USP34: variants seen among roughly 807,000 people sequenced by gnomAD.
USP34 encodes the protein ubiquitin carboxyl-terminal hydrolase 34.
In USP34, 70 loss-of-function variants were observed where a neutral mutation model predicts 460.3. That is an observed-to-expected ratio of 0.15 (90% CI 0.13 to 0.19). The LOEUF is 0.19. Among genes scored for constraint, USP34 ranks in the 10% least tolerant of loss-of-function variants. The pLI is 1.00. For missense variants in USP34, 3,985 were observed against 4,236.2 expected, an observed-to-expected ratio of 0.94 and a Z score of 1.65; for synonymous variants, 1,647 against 1,405.3, an observed-to-expected ratio of 1.17 and a Z score of -3.85.
chr2:61,325,235 C>G, intron 21 of USP34, 140 bp downstream of exon 21: 1 of 539,626 alleles, frequency 1.9e-6, no homozygotes, highest in South Asian at 2.7e-5. Flanking sequence ...TACCCTGTAA[C>G]AAACATACAT....
intron 29 of USP34, among the ~76,000 whole-genome samples, chr2:61,299,453 C>T (rs1026249851): frequency 1.3e-5 from 2 of 152,130 alleles, no homozygotes; most frequent in African/African-American, 4.8e-5. Flanking sequence ...ATACTCTTGC[C>T]TCTGAATGCC....
chr2:61,263,173 ATTTTTTT>A (rs36015748), intron 43 of USP34, among the ~76,000 whole-genome samples: 2,276 of 97,766 alleles, frequency 0.023, 29 homozygotes, highest in South Asian at 0.032. Context: ...CACACATGGA[ATTTTTTT>A]TTTTTTTTTT....
At chr2:61,465,306 C>T (rs528034925) in intron 1 of USP34, among the ~76,000 whole-genome samples, 47 of 152,266 alleles carry the variant, frequency 3.1e-4, no homozygotes, top group Admixed American at 1.5e-3. Flanking sequence ...TATGCCTCTG[C>T]ATGTTTCCAC....
rs142217236 is a variant in USP34 at position 61,326,968 on chromosome 2, G to A, written c.2931-1511C>T. Among the ~76,000 whole-genome samples, 909 of 151,466 alleles carry A rather than the reference G, an allele frequency of 6.0e-3. 5 individuals are homozygous for A. Among genetic ancestry groups the A allele is most frequent in the African/African-American group, 0.021 (883 of 41,224 alleles). On this transcript the variant is annotated intron_variant, in intron 20 of 79. Coordinates refer to ENST00000398571, the MANE Select transcript of USP34 (RefSeq NM_014709.4). ...CCAGCTGATTTTTTTTTTATTTTTA[G>A]TAGAAATATGGTGTCACCACATTAG...
chr2:61,306,125 G>C (rs1237566539), intron 27 of USP34, among the ~76,000 whole-genome samples: 1 of 152,116 alleles, frequency 6.6e-6, no homozygotes, highest in Non-Finnish European at 1.5e-5. Context: ...ATTGCTTTTG[G>C]TGTTTTGGAC....
At chr2:61,196,080 T>TA in intron 75 of USP34, among the ~76,000 whole-genome samples, 1 of 119,732 alleles carries the variant, frequency 8.4e-6, no homozygotes, top group Admixed American at 8.2e-5. Flanking sequence ...TTTTTTTTTT[T>TA]TTTTTTTTTT....
chr2:61,327,296 A>T (rs1409972424), intron 20 of USP34, among the ~76,000 whole-genome samples: 2 of 152,244 alleles, frequency 1.3e-5, no homozygotes, highest in African/African-American at 4.8e-5. Flanking sequence ...TGCCTCATTA[A>T]TGCTGCACTC....
At chr2:61,221,898 T>C (rs959496063) in intron 65 of USP34, 9 of 237,070 alleles carry the variant, frequency 3.8e-5, no homozygotes, top group South Asian at 2.1e-4. Context: ...ATACTTACGA[T>C]GTACAACGTT....
intron 16 of USP34, among the ~76,000 whole-genome samples, chr2:61,340,035 C>T (rs923758431): frequency 2.0e-5 from 3 of 152,124 alleles, no homozygotes; most frequent in South Asian, 2.1e-4. Flanking sequence ...AAAGTGAAAT[C>T]GTTTCCTTTC....
intron 10 of USP34, among the ~76,000 whole-genome samples, chr2:61,353,706 C>G (rs984323793): frequency 6.6e-6 from 1 of 152,020 alleles, no homozygotes; most frequent in Non-Finnish European, 1.5e-5. Flanking sequence ...GCTAGGATTA[C>G]AGGTGTGACT....
At chr2:61,362,767 G>A (rs1352671911) in intron 10 of USP34, among the ~76,000 whole-genome samples, 1 of 152,114 alleles carries the variant, frequency 6.6e-6, no homozygotes, top group Non-Finnish European at 1.5e-5. Context: ...GAAAGAAAAT[G>A]GTAACCATGT....
At chr2:61,328,244 G>A (rs974857063) in intron 20 of USP34, among the ~76,000 whole-genome samples, 2 of 150,458 alleles carry the variant, frequency 1.3e-5, no homozygotes, top group Non-Finnish European at 2.9e-5. Flanking sequence ...GGAGGTTACA[G>A]TGAGCTGAGA....
intron 41 of USP34, 147 bp downstream of exon 41, chr2:61,278,013 GAACTC>G (rs1247340864): frequency 2.0e-6 from 2 of 1,002,976 alleles, no homozygotes; most frequent in Admixed American, 6.2e-5. Context: ...CAGCCACATG[GAACTC>G]TGAGTCGAAT....
intron 67 of USP34, among the ~76,000 whole-genome samples, chr2:61,216,558 C>T (rs1687402773): frequency 6.6e-6 from 1 of 151,526 alleles, no homozygotes; most frequent in East Asian, 1.9e-4. Flanking sequence ...CGAGATTGCG[C>T]CACTGCACTC....
intron 49 of USP34, 105 bp downstream of exon 49, chr2:61,248,406 T>A (rs1394513547): frequency 3.4e-6 from 4 of 1,162,276 alleles, no homozygotes; most frequent in Non-Finnish European, 4.8e-6. Context: ...CTTCTAAGAT[T>A]CAATTTTTGT....
chr2:61,265,180 G>A (rs1689011582), intron 43 of USP34: 2 of 519,712 alleles, frequency 3.8e-6, no homozygotes, highest in African/African-American at 1.9e-5. Context: ...TTCCATAGCT[G>A]TGTTTTCCTT....
At chr2:61,468,083 T>C (rs557533267) in intron 1 of USP34, among the ~76,000 whole-genome samples, 2 of 152,270 alleles carry the variant, frequency 1.3e-5, no homozygotes, top group African/African-American at 4.8e-5. Flanking sequence ...CAACCACTCA[T>C]GTTCATTATC....
At chr2:61,230,855 AAAAC>A (rs1162535642) in intron 58 of USP34, among the ~76,000 whole-genome samples, 4 of 151,138 alleles carry the variant, frequency 2.6e-5, no homozygotes, top group Admixed American at 2.0e-4. Context: ...AAAAAAAAAA[AAAAC>A]AAAACACAAA....
rs533817270 is a variant in USP34 at position 61,336,523 on chromosome 2, C to A, written c.2745-2552G>T. ...TAGGCACAAAGAGAAAAAAAAAAAACCTCAAGCTGGGTGCAGTGGCTCACG... is the reference window on the plus strand; with the variant it reads ...TAGGCACAAAGAGAAAAAAAAAAAAACTCAAGCTGGGTGCAGTGGCTCACG... On this transcript the variant is annotated intron_variant, in intron 18 of 79. Transcript: ENST00000398571. 7.2e-3 allele frequency among the ~76,000 whole-genome samples: 1,080 copies of A among 150,386 alleles called. 9 individuals carry two copies. Among genetic ancestry groups the A allele is most frequent in the Non-Finnish European group, 0.011 (724 of 67,512 alleles).
Sources: allele counts gnomAD v4.1 joint callset (sites outside exome capture counted in the v4.1 genomes callset), GRCh38; gene constraint gnomAD v4.1.1; transcripts MANE v1.5; gene names NCBI Gene and HGNC (gene_info 2026-07-23, HGNC 2026-07-21).